The following INTS9 variants were observed in gnomAD, a reference collection of about 807,000 sequenced individuals.
INTS9 encodes integrator complex subunit 9, also known as protein related to CPSF subunits of 74 kDa.
A neutral mutation model predicts 79.7 loss-of-function variants in INTS9; 55 were observed. The ratio of observed to expected loss-of-function variants is 0.69; its 90% CI spans 0.56 to 0.86. The LOEUF is 0.86. Ranked by LOEUF, INTS9 falls within the 40% of genes least tolerant of loss-of-function variation. INTS9 has a pLI of 0.00. For missense variants in INTS9, 721 were observed against 831.5 expected (o/e 0.87, Z 1.64); for synonymous variants, 319 against 325.2 (o/e 0.98, Z 0.20).
At chr8:28,879,605 A>G (rs1200582114) in intron 1 of INTS9, among the ~76,000 whole-genome samples, 1 of 152,206 alleles carries the variant, frequency 6.6e-6, no homozygotes, top group East Asian at 1.9e-4. Context: ...ACATGGAGAA[A>G]TTGGAAATGA....
intron 2 of INTS9, among the ~76,000 whole-genome samples, chr8:28,852,752 A>T (rs565731220): frequency 5.4e-4 from 83 of 152,336 alleles, no homozygotes; most frequent in Admixed American, 3.9e-4. Context: ...CAAAATTTTG[A>T]GGTGTTGTGG....
intron 6 of INTS9, among the ~76,000 whole-genome samples, chr8:28,830,005 G>C (rs1250926648): frequency 1.3e-5 from 2 of 151,018 alleles, no homozygotes; most frequent in Non-Finnish European, 2.9e-5. Flanking sequence ...TTGTAGACCT[G>C]TGATCCCTAC....
At chr8:28,876,740 T>C (rs1472684309) in intron 1 of INTS9, among the ~76,000 whole-genome samples, 3 of 151,756 alleles carry the variant, frequency 2.0e-5, no homozygotes, top group African/African-American at 7.3e-5. Context: ...GAGAATCAAC[T>C]GGAAAGGGTA....
intron 2 of INTS9, among the ~76,000 whole-genome samples, chr8:28,856,442 G>GTCTC (rs142538325): frequency 0.016 from 2,459 of 150,994 alleles, 71 homozygotes; most frequent in African/African-American, 0.056. Context: ...TTGAGACACG[G>GTCTC]TCTCTCTCTC....
chr8:28,876,084 G>A (rs1226822016), intron 1 of INTS9, among the ~76,000 whole-genome samples: 2 of 152,136 alleles, frequency 1.3e-5, no homozygotes, highest in African/African-American at 2.4e-5. Context: ...GGGGGTGTGT[G>A]TGGGTGGCCA....
At chr8:28,813,975 G>C (rs1222159371) in intron 6 of INTS9, among the ~76,000 whole-genome samples, 1 of 151,402 alleles carries the variant, frequency 6.6e-6, no homozygotes, top group East Asian at 1.9e-4. Context: ...TGGCCATGAT[G>C]GTCTCAATCT....
At chr8:28,798,591 T>A (rs1176860746) in intron 8 of INTS9, 2 of 152,126 alleles carry the variant, frequency 1.3e-5, no homozygotes, top group African/African-American at 2.4e-5. Context: ...CTCCACCTCC[T>A]GGGTTCAAGG....
At chr8:28,831,235 A>G (rs1306855012) in intron 6 of INTS9, among the ~76,000 whole-genome samples, 1 of 152,180 alleles carries the variant, frequency 6.6e-6, no homozygotes, top group Non-Finnish European at 1.5e-5. Flanking sequence ...GCGTGTTCTC[A>G]CTTTTAAGTG....
intron 8 of INTS9, among the ~76,000 whole-genome samples, chr8:28,800,853 G>A (rs1804475240): frequency 6.6e-6 from 1 of 152,186 alleles, no homozygotes; most frequent in Non-Finnish European, 1.5e-5. Context: ...AATGGTATAC[G>A]TTACTTCTGA....
intron 8 of INTS9, 197 bp from the exon 9 acceptor site, chr8:28,796,852 G>C: frequency 1.9e-6 from 1 of 514,268 alleles, no homozygotes; most frequent in Non-Finnish European, 3.5e-6. Context: ...GGAGGCAAGA[G>C]GGAGCTTTAT....
chr8:28,812,750 T>C (rs1449787743), intron 7 of INTS9, among the ~76,000 whole-genome samples: 5 of 152,220 alleles, frequency 3.3e-5, no homozygotes, highest in Admixed American at 6.5e-5. Flanking sequence ...AAGCAGCTAC[T>C]TGGGGCAGGA....
chr8:28,769,865 A>G (rs1404560215), intron 16 of INTS9, 24 bp downstream of exon 16: 2 of 1,612,124 alleles, frequency 1.2e-6, no homozygotes, highest in Non-Finnish European at 8.5e-7. Context: ...TGGAGTTTTC[A>G]CGGCACCAGC....
chr8:28,768,209 G>C lies in INTS9; in HGVS notation c.1914C>G (p.Asp638Glu), dbSNP rs1034621561. ...GTCGCACTCTGAGCATCTCGTCATT[G>C]TCGCAGATGATATGGGTCGAGTCTT... ...IEEDSTHIIC[D>E]NDEMLRVRLR... The change falls in exon 17 of 17, where the codon GAC becomes GAG. Residue 638 changes from aspartate (D) to glutamate (E), a missense_variant. Physicochemically the swap from Asp to Glu is conservative, Grantham distance 45. Transcript: ENST00000521022. 1 of 1,614,190 alleles carries C rather than the reference G, an allele frequency of 6.2e-7. No individual in the cohort carries two copies. The highest frequency in any genetic ancestry group is 1.7e-5 in the Admixed American group (1 of 60,024).
intron 15 of INTS9, 124 bp downstream of exon 15, chr8:28,770,858 A>C: frequency 3.2e-5 from 23 of 708,934 alleles, no homozygotes; most frequent in East Asian, 5.6e-5. Flanking sequence ...TCTGAGGCAC[A>C]TGGCCAGGGA....
chr8:28,867,648 A>G (rs919221275), intron 1 of INTS9, among the ~76,000 whole-genome samples: 1 of 152,032 alleles, frequency 6.6e-6, no homozygotes, highest in Admixed American at 6.6e-5. Context: ...AAATTTGGCA[A>G]ATTAGTAAAT....
At chr8:28,815,079 C>A (rs1805391398) in intron 6 of INTS9, among the ~76,000 whole-genome samples, 1 of 151,894 alleles carries the variant, frequency 6.6e-6, no homozygotes, top group African/African-American at 2.4e-5. Flanking sequence ...GAGGAGCAGG[C>A]AGGGAAATTA....
intron 8 of INTS9, among the ~76,000 whole-genome samples, chr8:28,800,663 G>A (rs962621069): frequency 1.3e-5 from 2 of 152,172 alleles, no homozygotes; most frequent in Non-Finnish European, 2.9e-5. Context: ...AGATCCACTT[G>A]ACGGATCACC....
chr8:28,778,011 C>T (rs1007135083), intron 12 of INTS9, 58 bp from the exon 13 acceptor site: 40 of 1,510,944 alleles, frequency 2.6e-5, no homozygotes, highest in Non-Finnish European at 2.7e-6. Flanking sequence ...GCTGCCAAGC[C>T]AGACAGCAAC....
rs573439474 is a variant in INTS9, at chr8:28,853,796, C to T, written c.138-3523G>A. ...TTTTTTTTTTTGTTTTGTTTTGAGGCGGAGTCCCACCTCCTGGGTTTGCAC... is the reference window on the plus strand; with the variant it reads ...TTTTTTTTTTTGTTTTGTTTTGAGGTGGAGTCCCACCTCCTGGGTTTGCAC... On this transcript the variant is annotated intron_variant, in intron 2 of 16. Coordinates refer to ENST00000521022, the MANE Select transcript of INTS9 (RefSeq NM_018250.4). 1.8e-3 allele frequency among the ~76,000 whole-genome samples: 265 copies of T among 151,306 alleles called. 1 individual carries two copies. In the South Asian group the frequency reaches 0.036, roughly 20 times the overall value.
Sources: allele counts gnomAD v4.1 joint callset (sites outside exome capture counted in the v4.1 genomes callset), GRCh38; gene constraint gnomAD v4.1.1; transcripts MANE v1.5; gene names NCBI Gene and HGNC (gene_info 2026-07-23, HGNC 2026-07-21).